The following ADAM12 variants were observed in gnomAD, a reference collection of about 807,000 sequenced individuals.
ADAM12 encodes disintegrin and metalloproteinase domain-containing protein 12.
Under a neutral mutation model 106.4 loss-of-function variants are expected in ADAM12, and 70 were observed. The observed-to-expected ratio is 0.66, with a 90% CI of 0.54 to 0.80. The LOEUF is 0.80. Among genes scored for constraint, ADAM12 ranks in the 30% least tolerant of loss-of-function variants. The pLI, the probability that ADAM12 is intolerant of heterozygous loss-of-function variation, is 0.00. For missense variants in ADAM12, 1,010 were observed against 1,171.9 expected, an observed-to-expected ratio of 0.86 and a Z score of 2.02; for synonymous variants, 420 against 433.5, an observed-to-expected ratio of 0.97 and a Z score of 0.39.
intron 14 of ADAM12, among the ~76,000 whole-genome samples, chr10:126,060,851 G>A (rs1405026798): frequency 6.6e-6 from 1 of 152,170 alleles, no homozygotes; most frequent in Non-Finnish European, 1.5e-5. Flanking sequence ...CAGAGTCGGG[G>A]CTCTTGAGTC....
intron 5 of ADAM12, among the ~76,000 whole-genome samples, chr10:126,134,092 T>TCATTC (rs1459640528): frequency 6.6e-6 from 1 of 152,250 alleles, no homozygotes. Flanking sequence ...ACTCAAGGAA[T>TCATTC]GTTTTCTGAA....
chr10:126,358,083 C>G (rs7073725), intron 1 of ADAM12, among the ~76,000 whole-genome samples: 4,674 of 151,062 alleles, frequency 0.031, 230 homozygotes, highest in African/African-American at 0.11. Flanking sequence ...GAGGCTGAGG[C>G]AGGAGAATGG....
At chr10:126,133,560 C>T (rs1205783108) in intron 5 of ADAM12, among the ~76,000 whole-genome samples, 4 of 152,208 alleles carry the variant, frequency 2.6e-5, no homozygotes, top group African/African-American at 9.6e-5. Flanking sequence ...ACATTCCCTA[C>T]AGTCTATTTC....
chr10:126,382,984 AC>A (rs1466219183), intron 1 of ADAM12, among the ~76,000 whole-genome samples: 1 of 152,160 alleles, frequency 6.6e-6, no homozygotes, highest in Non-Finnish European at 1.5e-5. Context: ...TCATTCTGTC[AC>A]CGAGGCTGGA....
chr10:126,112,914 A>G (rs1448029713), intron 6 of ADAM12, among the ~76,000 whole-genome samples: 1 of 152,032 alleles, frequency 6.6e-6, no homozygotes. Context: ...TGAAACTCAT[A>G]TTCAGGAAAC....
At chr10:126,237,668 G>A (rs1958444730) in intron 3 of ADAM12, among the ~76,000 whole-genome samples, 1 of 152,032 alleles carries the variant, frequency 6.6e-6, no homozygotes, top group South Asian at 2.1e-4. Flanking sequence ...ATAATATTTG[G>A]TTATAGGTAG....
chr10:126,051,583 A>AGCCAGCCACCTG (rs1590340431), intron 14 of ADAM12, among the ~76,000 whole-genome samples: 8 of 138,924 alleles, frequency 5.8e-5, no homozygotes, highest in South Asian at 2.5e-4. Flanking sequence ...CCATCCATCC[A>AGCCAGCCACCTG]TCCATCCAGC....
intron 3 of ADAM12, among the ~76,000 whole-genome samples, chr10:126,165,196 C>A (rs1957002695): frequency 6.6e-6 from 1 of 152,166 alleles, no homozygotes; most frequent in South Asian, 2.1e-4. Flanking sequence ...GAGACTGAGT[C>A]TCTCTCTGTC....
At chr10:126,091,760 A>G (rs922939462) in intron 11 of ADAM12, among the ~76,000 whole-genome samples, 3 of 152,210 alleles carry the variant, frequency 2.0e-5, no homozygotes, top group Admixed American at 6.5e-5. Flanking sequence ...AAAACCATAT[A>G]GAGTGCCAGA....
intron 2 of ADAM12, among the ~76,000 whole-genome samples, chr10:126,293,475 G>A (rs1404974231): frequency 2.6e-5 from 4 of 152,258 alleles, no homozygotes; most frequent in Middle Eastern, 3.4e-3. Context: ...GGATGATGAT[G>A]TGGGATACAC....
intron 3 of ADAM12, among the ~76,000 whole-genome samples, chr10:126,191,846 G>A (rs1254768400): frequency 1.3e-5 from 2 of 152,162 alleles, no homozygotes; most frequent in Non-Finnish European, 2.9e-5. Context: ...AAGAAAATAG[G>A]TTTAATTGGC....
chr10:126,171,377 A>T (rs571256549), intron 3 of ADAM12, among the ~76,000 whole-genome samples: 2 of 152,356 alleles, frequency 1.3e-5, no homozygotes, highest in Admixed American at 6.5e-5. Context: ...AAAATTACTT[A>T]AAAAACCGTG....
intron 14 of ADAM12, among the ~76,000 whole-genome samples, chr10:126,055,728 A>G (rs989745754): frequency 2.0e-5 from 3 of 152,124 alleles, no homozygotes; most frequent in Non-Finnish European, 4.4e-5. Context: ...GGAACCACCA[A>G]CATATTCTCC....
chr10:126,119,980 T>C (rs1956056093), intron 5 of ADAM12, among the ~76,000 whole-genome samples: 1 of 152,246 alleles, frequency 6.6e-6, no homozygotes, highest in South Asian at 2.1e-4. Context: ...CAAACTGGCA[T>C]CTCTGAATTC....
rs945892307 is a variant in ADAM12, at chr10:126,064,533, G to A, written c.1609+273C>T. Among the ~76,000 whole-genome samples, 8 of 152,176 alleles carry A rather than the reference G, an allele frequency of 5.3e-5. No homozygotes were observed. Among genetic ancestry groups the A allele is most frequent in the South Asian group, 2.1e-4 (1 of 4,818 alleles). ...TGCTCCTGCATCTTCTGTATCCCCC[G>A]GGGCGCACAGTAGGTGCTCCTGCAG... On this transcript the variant is annotated intron_variant, in intron 14 of 22. Coordinates refer to ENST00000448723, the MANE Select transcript of ADAM12 (RefSeq NM_001288973.2). The surrounding 1 kb of genome is among the most constrained non-coding windows in gnomAD (Gnocchi z 4.4).
At chr10:126,126,529 G>A (rs1956209359) in intron 5 of ADAM12, among the ~76,000 whole-genome samples, 1 of 151,204 alleles carries the variant, frequency 6.6e-6, no homozygotes, top group South Asian at 2.1e-4. Context: ...CAGGACTATT[G>A]AACAAGCATA....
chr10:126,076,689 C>A (rs1167392141), intron 11 of ADAM12, among the ~76,000 whole-genome samples: 4 of 152,132 alleles, frequency 2.6e-5, no homozygotes, highest in Admixed American at 2.6e-4. Flanking sequence ...GTCCTTTGCC[C>A]ATTTTTAAAT....
chr10:126,383,673 G>A (rs1353618569), intron 1 of ADAM12, among the ~76,000 whole-genome samples: 1 of 152,028 alleles, frequency 6.6e-6, no homozygotes, highest in Non-Finnish European at 1.5e-5. Flanking sequence ...AGCAGTAATG[G>A]CCATAGAGAC....
At chr10:126,205,222 G>T (rs1236706236) in intron 3 of ADAM12, among the ~76,000 whole-genome samples, 1 of 152,096 alleles carries the variant, frequency 6.6e-6, no homozygotes, top group Non-Finnish European at 1.5e-5. Flanking sequence ...CCTGAAGCAA[G>T]TTGTACCTTG....
Sources: gnomAD v4.1 joint callset for allele counts (sites outside exome capture counted in the v4.1 genomes callset) on GRCh38, gnomAD v4.1.1 for gene constraint, Gnocchi (gnomAD v3.1) non-coding constraint, MANE v1.5 for transcripts, NCBI Gene and HGNC (gene_info 2026-07-23, HGNC 2026-07-21) for gene names.